The following LIPC variants were observed in gnomAD, a reference collection of about 807,000 sequenced individuals.
The protein encoded by LIPC is hepatic triacylglycerol lipase.
A neutral mutation model predicts 50.7 loss-of-function variants in LIPC; 44 were observed. The ratio of observed to expected loss-of-function variants is 0.87; its 90% CI spans 0.68 to 1.11. The LOEUF is 1.11. Ranked by LOEUF, LIPC falls within the 50% of genes most tolerant of loss-of-function variation. The pLI is 0.00. For synonymous variants in LIPC, 271 were observed against 256.4 expected (o/e 1.06, Z -0.54); for missense variants, 697 against 648.2 (o/e 1.08, Z -0.82).
At chr15:58,510,472 G>C (rs959079455) in intron 1 of LIPC, among the ~76,000 whole-genome samples, 1 of 152,232 alleles carries the variant, frequency 6.6e-6, no homozygotes, top group Admixed American at 6.5e-5. Context: ...TTCATCATTA[G>C]AGTAACCATC....
chr15:58,502,956 TA>T (rs11449666), intron 1 of LIPC, among the ~76,000 whole-genome samples: 58 of 140,458 alleles, frequency 4.1e-4, no homozygotes, highest in African/African-American at 8.5e-4. Flanking sequence ...AAACATTGTT[TA>T]AAAAAAAAAA....
chr15:58,564,799 G>A (rs1328981325), intron 8 of LIPC, among the ~76,000 whole-genome samples: 1 of 152,082 alleles, frequency 6.6e-6, no homozygotes, highest in African/African-American at 2.4e-5. Context: ...CCCAGCAAAA[G>A]AAAGGGCTGC....
chr15:58,564,191 A>C (rs1232646782), intron 8 of LIPC, among the ~76,000 whole-genome samples: 3 of 141,128 alleles, frequency 2.1e-5, no homozygotes, highest in Admixed American at 7.1e-5. Context: ...CGTATCTTTC[A>C]AATGTCAGTT....
At chr15:58,512,039 T>C (rs76017971) in intron 1 of LIPC, among the ~76,000 whole-genome samples, 3,997 of 152,248 alleles carry the variant, frequency 0.026, 175 homozygotes, top group African/African-American at 0.09. Flanking sequence ...ACAATAGTTA[T>C]CTCTGATTAT....
chr15:58,515,764 G>A (rs1483384145), intron 1 of LIPC, among the ~76,000 whole-genome samples: 3 of 152,076 alleles, frequency 2.0e-5, no homozygotes, highest in Admixed American at 6.6e-5. Flanking sequence ...TGAGCTGAAC[G>A]GCAATAGGGT....
chr15:58,474,580 A>T (rs1245015012), intron 1 of LIPC, among the ~76,000 whole-genome samples: 1 of 151,314 alleles, frequency 6.6e-6, no homozygotes, highest in Non-Finnish European at 1.5e-5. Flanking sequence ...TCTTTGATGT[A>T]GGTAATTTAT....
Position 58,514,648 on chromosome 15 carries a change from AC to A in LIPC, c.89-23681del, listed in dbSNP as rs199687883. Among the ~76,000 whole-genome samples the A allele has an allele frequency of 2.7e-3, 406 of 152,144 alleles. 5 individuals carry two copies. The highest frequency in any genetic ancestry group is 0.021 in the East Asian group (107 of 5,158). On this transcript the variant is annotated intron_variant, in intron 1 of 8. Transcript: ENST00000299022. ...AGACCAGCCTGGCAAACATGGCAAA[AC>A]CCCATCTCCAGTAAAAATACAAAAA...
At chr15:58,475,598 G>T (rs372457714) in intron 1 of LIPC, among the ~76,000 whole-genome samples, 2 of 152,144 alleles carry the variant, frequency 1.3e-5, no homozygotes, top group African/African-American at 4.8e-5. Context: ...ACTTACCCCT[G>T]TGCTCAGGCA....
chr15:58,493,478 T>C (rs1334845482), intron 1 of LIPC, among the ~76,000 whole-genome samples: 1 of 150,266 alleles, frequency 6.7e-6, no homozygotes, highest in African/African-American at 2.4e-5. Context: ...AAAATATATA[T>C]ATATTTTTTT....
intron 1 of LIPC, among the ~76,000 whole-genome samples, chr15:58,477,111 C>T (rs1471941081): frequency 6.6e-6 from 1 of 152,196 alleles, no homozygotes; most frequent in African/African-American, 2.4e-5. Flanking sequence ...GATATTTTCC[C>T]TTCGACTATA....
At position 58,567,215 on chromosome 15, in the gene LIPC, AT is replaced by A. The variant is rs1379415585; in HGVS notation, c.1389-1500del. ...GACTCCGTCTCAAAAAAAATAAAAA[AT>A]ATATATATATATATGTATATATGTG... On this transcript the variant is annotated intron_variant, in intron 8 of 8. Transcript: ENST00000299022. 3.9e-3 allele frequency among the ~76,000 whole-genome samples: 536 copies of A among 137,666 alleles called. 31 individuals carry two copies. Among genetic ancestry groups the A allele is most frequent in the South Asian group, 0.017 (77 of 4,472 alleles). The allele number at this position is 137,666 out of a possible 152,430, so 90.3% of individuals were successfully genotyped here. A position where few individuals can be genotyped will look rare whatever the true frequency, so the allele number is the denominator to read the frequency against.
intron 1 of LIPC, among the ~76,000 whole-genome samples, chr15:58,496,932 G>A (rs994334374): frequency 3.9e-5 from 6 of 152,026 alleles, no homozygotes; most frequent in Non-Finnish European, 5.9e-5. Context: ...TTATCCACCC[G>A]CCTCAGCCTC....
At chr15:58,488,416 C>T (rs1299547123) in intron 1 of LIPC, among the ~76,000 whole-genome samples, 1 of 152,238 alleles carries the variant, frequency 6.6e-6, no homozygotes, top group Non-Finnish European at 1.5e-5. Context: ...AGCTATGTAT[C>T]AATCCCTGTT....
In LIPC at chr15:58,560,599, C is replaced by A. The variant is rs201948935; in HGVS notation, c.1052-265C>A. Among the ~76,000 whole-genome samples, 4 of 152,272 alleles carry A rather than the reference C, an allele frequency of 2.6e-5. No individual in the cohort carries two copies. In the East Asian group the frequency reaches 7.7e-4, roughly 29 times the overall value. On this transcript the variant is annotated intron_variant, in intron 6 of 8. Transcript: ENST00000299022. ...GTGAGAATGCCAGATGTCCTATACT[C>A]CTATTCTGCCATCTTTTGTTGGTGA...
chr15:58,565,552 T>C, intron 8 of LIPC: 1 of 1,224,044 alleles, frequency 8.2e-7, no homozygotes, highest in East Asian at 3.3e-5. Flanking sequence ...CTGAAATGGG[T>C]AGTATTGGCT....
At chr15:58,443,683 G>C (rs1456383401) in intron 1 of LIPC, among the ~76,000 whole-genome samples, 1 of 148,530 alleles carries the variant, frequency 6.7e-6, no homozygotes, top group African/African-American at 2.5e-5. Flanking sequence ...TCTGTCTCAC[G>C]CATGTGAAGA....
chr15:58,494,592 A>T (rs1891702922), intron 1 of LIPC, among the ~76,000 whole-genome samples: 1 of 152,240 alleles, frequency 6.6e-6, no homozygotes. Flanking sequence ...TACCAGTAGC[A>T]CATAGTTGTG....
rs191417192 is a variant in LIPC at position 58,449,797 on chromosome 15, C to T, written c.88+17677C>T. Among the ~76,000 whole-genome samples the T allele has an allele frequency of 2.2e-3, 338 of 152,288 alleles. 2 individuals carry two copies. Among genetic ancestry groups the T allele is most frequent in the African/African-American group, 7.7e-3 (321 of 41,562 alleles). ...TCAAGAGATCCCCCCTCCTCGGACT[C>T]CCAAAGTGTTGGGATTACAGACAGG... is the stretch of plus-strand genomic sequence containing the variant. On this transcript the variant is annotated intron_variant, in intron 1 of 8. Transcript: ENST00000299022.
chr15:58,476,129 T>C (rs1885359466), intron 1 of LIPC, among the ~76,000 whole-genome samples: 9 of 152,170 alleles, frequency 5.9e-5, no homozygotes, highest in Admixed American at 5.9e-4. Flanking sequence ...AGATACTGAG[T>C]CTTGGCTAGG....
Sources: gnomAD v4.1 joint callset for allele counts (sites outside exome capture counted in the v4.1 genomes callset) on GRCh38, gnomAD v4.1.1 for gene constraint, MANE v1.5 for transcripts, NCBI Gene and HGNC (gene_info 2026-07-23, HGNC 2026-07-21) for gene names.